Variants in HDAC9 observed in about 807,000 individuals in gnomAD.
HDAC9 encodes the protein histone deacetylase 9.
Under a neutral mutation model 139.4 loss-of-function variants are expected in HDAC9, and 41 were observed. The observed-to-expected ratio is 0.29, with a 90% CI of 0.23 to 0.38. The LOEUF (loss-of-function observed/expected upper bound fraction) is 0.38, where lower values mean the gene tolerates loss of function less well. HDAC9 is among the 10% of genes least tolerant of loss of function. The pLI is 1.00. For missense variants in HDAC9, 1,147 were observed against 1,297.0 expected, an observed-to-expected ratio of 0.88 and a Z score of 1.78; for synonymous variants, 517 against 476.2, an observed-to-expected ratio of 1.09 and a Z score of -1.12.
At chr7:18,528,026 C>T (rs1043466884) in intron 2 of HDAC9, among the ~76,000 whole-genome samples, 10 of 151,968 alleles carry the variant, frequency 6.6e-5, no homozygotes, top group African/African-American at 2.4e-4. Flanking sequence ...CATGGTGGTT[C>T]ACTTCTGTAA....
chr7:18,745,616 A>G (rs1178963062), intron 13 of HDAC9, among the ~76,000 whole-genome samples: 7 of 130,956 alleles, frequency 5.3e-5, no homozygotes, highest in East Asian at 2.2e-4. Flanking sequence ...GCGCAATCTC[A>G]GCTCACTGCA....
intron 22 of HDAC9, among the ~76,000 whole-genome samples, chr7:18,897,712 G>C (rs1239705283): frequency 6.6e-6 from 1 of 151,148 alleles, no homozygotes; most frequent in Non-Finnish European, 1.5e-5. Context: ...GATTTTATTT[G>C]CTACTCATTA....
chr7:18,750,002 A>G (rs1788303989), intron 14 of HDAC9, among the ~76,000 whole-genome samples: 1 of 152,218 alleles, frequency 6.6e-6, no homozygotes, highest in Non-Finnish European at 1.5e-5. Flanking sequence ...TCACAAGACA[A>G]ATATGGTCCC....
At chr7:18,894,989 G>A (rs1368000737) in intron 22 of HDAC9, among the ~76,000 whole-genome samples, 2 of 152,034 alleles carry the variant, frequency 1.3e-5, no homozygotes, top group Non-Finnish European at 2.9e-5. Flanking sequence ...AGTGAAACAG[G>A]AACAAAGGTA....
intron 17 of HDAC9, among the ~76,000 whole-genome samples, chr7:18,793,958 A>T (rs1792556780): frequency 6.6e-6 from 1 of 152,202 alleles, no homozygotes; most frequent in African/African-American, 2.4e-5. Flanking sequence ...AAGAACTTAA[A>T]AAATGAGCTA....
At chr7:18,189,631 A>T (rs868126605) in intron 2 of HDAC9, among the ~76,000 whole-genome samples, 8 of 152,100 alleles carry the variant, frequency 5.3e-5, no homozygotes, top group Non-Finnish European at 1.0e-4. Context: ...GACCCAGAAC[A>T]CAGGTGCATG....
rs923411288 is a variant in HDAC9, at chr7:18,379,057, T to C, written c.-42+88542T>C. On this transcript the variant is annotated intron_variant, in intron 1 of 3. Transcript: ENST00000413509. ...TACACATGAGGCTCTATGTTTGTAG[T>C]TGAAATGCAGCTATTGACATTTATA... is the stretch of plus-strand genomic sequence containing the variant. 3.3e-5 allele frequency among the ~76,000 whole-genome samples: 5 copies of C among 152,314 alleles called. 1 individual carries two copies. Among genetic ancestry groups the C allele is most frequent in the Admixed American group, 6.5e-5 (1 of 15,294 alleles).
chr7:18,565,197 C>T (rs113880329), intron 2 of HDAC9, among the ~76,000 whole-genome samples: 8 of 152,098 alleles, frequency 5.3e-5, no homozygotes, highest in African/African-American at 1.2e-4. Context: ...GGTTTCTCCA[C>T]GTTGGTCAGG....
intron 1 of HDAC9, among the ~76,000 whole-genome samples, chr7:18,093,422 A>G (rs1439140603): frequency 9.9e-5 from 15 of 152,196 alleles, no homozygotes; most frequent in African/African-American, 3.4e-4. Flanking sequence ...GTTGGGTTCC[A>G]TCATTCAGCT....
chr7:18,482,738 A>G (rs934138401), intron 1 of HDAC9, among the ~76,000 whole-genome samples: 7 of 152,180 alleles, frequency 4.6e-5, no homozygotes, highest in African/African-American at 1.7e-4. Context: ...GAATCAAAGC[A>G]TTACCAAGGG....
intron 1 of HDAC9, among the ~76,000 whole-genome samples, chr7:18,360,147 G>A (rs1249755828): frequency 6.6e-6 from 1 of 152,094 alleles, no homozygotes; most frequent in Non-Finnish European, 1.5e-5. Context: ...AACTATAATT[G>A]TAATTAAGAG....
intron 11 of HDAC9, among the ~76,000 whole-genome samples, chr7:18,656,047 CTT>C (rs537627975): frequency 1.7e-4 from 23 of 137,516 alleles, no homozygotes; most frequent in Admixed American, 2.9e-4. Context: ...GTAGCAGTCT[CTT>C]TTTTTTTTTT....
intron 7 of HDAC9, among the ~76,000 whole-genome samples, chr7:18,629,733 C>T (rs1157027444): frequency 6.6e-6 from 1 of 152,192 alleles, no homozygotes; most frequent in East Asian, 1.9e-4. Context: ...CCAAAGCTCA[C>T]CTTATTCTTT....
rs1781590509 is a variant in HDAC9, at chr7:18,935,791, C to A, written c.2804-18C>A. ...TCTTGATTTAATACTTTGAAATGTT[C>A]TGTTTGTATTATGGTAGGTTTTGGT... On this transcript the variant is annotated intron_variant, in intron 22 of 25. Transcript: ENST00000686413. 19 of 1,607,060 alleles carry A rather than the reference C, an allele frequency of 1.2e-5. No individual in the cohort carries two copies. The highest frequency in any genetic ancestry group is 1.5e-5 in the Non-Finnish European group (18 of 1,174,826).
intron 1 of HDAC9, among the ~76,000 whole-genome samples, chr7:18,392,311 TCTCTCACACACACACA>T (rs1562946101): frequency 8.0e-6 from 1 of 124,520 alleles, no homozygotes; most frequent in African/African-American, 3.5e-5. Flanking sequence ...TCTCTCTCTC[TCTCTCACACACACACA>T]CACACACACA....
intron 23 of HDAC9, among the ~76,000 whole-genome samples, chr7:18,943,633 G>A (rs1782172562): frequency 6.6e-6 from 1 of 151,932 alleles, no homozygotes; most frequent in African/African-American, 2.4e-5. Context: ...AGCCATAGTA[G>A]TTTTGGACAA....
At chr7:18,208,019 A>T (rs1343707620) in intron 2 of HDAC9, among the ~76,000 whole-genome samples, 2 of 152,136 alleles carry the variant, frequency 1.3e-5, no homozygotes, top group East Asian at 3.9e-4. Flanking sequence ...CGGCCTATTT[A>T]TGTTATTTTT....
chr7:18,775,308 C>T (rs10234685), intron 16 of HDAC9, among the ~76,000 whole-genome samples: 15,636 of 152,008 alleles, frequency 0.1, 987 homozygotes, highest in African/African-American at 0.17. Flanking sequence ...GGAAAAATGA[C>T]GCCCATAGAC....
chr7:18,682,704 A>C (rs1562848100), intron 12 of HDAC9, among the ~76,000 whole-genome samples: 1 of 151,986 alleles, frequency 6.6e-6, no homozygotes, highest in Non-Finnish European at 1.5e-5. Context: ...TCGTGAGGTG[A>C]CAGTTAATTC....
Sources: gnomAD v4.1 joint callset for allele counts (sites outside exome capture counted in the v4.1 genomes callset) on GRCh38, gnomAD v4.1.1 for gene constraint, MANE v1.5 for transcripts, NCBI Gene and HGNC (gene_info 2026-07-23, HGNC 2026-07-21) for gene names.